Variants in FARS2 observed in about 807,000 individuals in gnomAD.
FARS2 encodes the protein phenylalanine--tRNA ligase, mitochondrial.
In FARS2, 40 loss-of-function variants were observed where a neutral mutation model predicts 46.4. The ratio of observed to expected loss-of-function variants is 0.86; its 90% CI spans 0.67 to 1.12. The LOEUF is 1.12. Among genes scored for constraint, FARS2 ranks in the 50% most tolerant of loss-of-function variants. The pLI, the probability that FARS2 is intolerant of heterozygous loss-of-function variation, is 0.00. For synonymous variants in FARS2, 234 were observed against 214.9 expected (o/e 1.09, Z -0.78); for missense variants, 513 against 567.9 (o/e 0.90, Z 0.98).
chr6:5,686,423 A>G (rs1386701326), intron 6 of FARS2, among the ~76,000 whole-genome samples: 4 of 151,754 alleles, frequency 2.6e-5, no homozygotes, highest in African/African-American at 7.3e-5. Flanking sequence ...TCATTGTTCA[A>G]TTCCCACCTA....
chr6:5,589,970 A>G (rs1773822736), intron 5 of FARS2, among the ~76,000 whole-genome samples: 1 of 152,210 alleles, frequency 6.6e-6, no homozygotes, highest in Non-Finnish European at 1.5e-5. Context: ...CTGCATAGCT[A>G]TGAGACTGCA....
At chr6:5,431,471 A>G (rs1763162726) in intron 4 of FARS2, among the ~76,000 whole-genome samples, 1 of 152,212 alleles carries the variant, frequency 6.6e-6, no homozygotes, top group African/African-American at 2.4e-5. Context: ...AATTGCCCCA[A>G]AGACATTTGC....
intron 1 of FARS2, among the ~76,000 whole-genome samples, chr6:5,337,934 G>A (rs1405115541): frequency 1.3e-5 from 2 of 152,138 alleles, no homozygotes; most frequent in Admixed American, 1.3e-4. Context: ...AGTTTAGGTG[G>A]TAATGCCATC....
intron 6 of FARS2, among the ~76,000 whole-genome samples, chr6:5,680,739 CTTTT>C (rs11441342): frequency 7.0e-6 from 1 of 143,340 alleles, no homozygotes. Context: ...CAGACGTTGT[CTTTT>C]TTTTTTTTTT....
intron 3 of FARS2, among the ~76,000 whole-genome samples, chr6:5,421,861 C>T (rs748016761): frequency 9.9e-5 from 15 of 152,188 alleles, no homozygotes; most frequent in African/African-American, 3.6e-4. Flanking sequence ...TCAAACTTTC[C>T]CACATTTTTC....
rs564355631 is a variant in FARS2 at position 5,480,135 on chromosome 6, A to G, written c.904+48963A>G. On this transcript the variant is annotated intron_variant, in intron 4 of 6. Coordinates refer to ENST00000274680, the MANE Select transcript of FARS2 (RefSeq NM_006567.5). ...ATGAAGACATGTTTATCAAACTGGC[A>G]GTTGACGCAAGGCTGGGAGGATAGC... is the stretch of plus-strand genomic sequence containing the variant. Among the ~76,000 whole-genome samples, 19 of 152,386 alleles carry G rather than the reference A, an allele frequency of 1.2e-4. No individual in the cohort carries two copies. The East Asian group carries it at 3.7e-3, about 29-fold the overall frequency.
chr6:5,529,464 C>T lies in FARS2; in HGVS notation c.905-15716C>T, dbSNP rs568829230. On this transcript the variant is annotated intron_variant, in intron 4 of 6. Transcript: ENST00000274680. ...CTGGGGCTACAGGCGCCTGCCACCACACCCAGCTAATTTTTGTATTTTTAG... is the reference window on the plus strand; with the variant it reads ...CTGGGGCTACAGGCGCCTGCCACCATACCCAGCTAATTTTTGTATTTTTAG... 5.9e-5 allele frequency among the ~76,000 whole-genome samples: 9 copies of T among 152,276 alleles called. No homozygotes were observed. In the East Asian group the frequency reaches 9.7e-4, roughly 16 times the overall value.
chr6:5,623,718 AAT>A (rs143561571), intron 6 of FARS2, among the ~76,000 whole-genome samples: 29,446 of 128,942 alleles, frequency 0.23, 3,553 homozygotes, highest in Admixed American at 0.33. Context: ...TCTCAAAAAA[AAT>A]AAATAAATAA....
At chr6:5,436,181 A>G (rs749790129) in intron 4 of FARS2, among the ~76,000 whole-genome samples, 3 of 152,232 alleles carry the variant, frequency 2.0e-5, no homozygotes, top group Admixed American at 6.5e-5. Flanking sequence ...CCTGGTTACA[A>G]TCAGGATGGA....
chr6:5,374,565 A>G (rs1371841003), intron 2 of FARS2, among the ~76,000 whole-genome samples: 1 of 152,114 alleles, frequency 6.6e-6, no homozygotes, highest in Non-Finnish European at 1.5e-5. Context: ...GTTTCAGAAC[A>G]TAGAAAAGAG....
intron 6 of FARS2, among the ~76,000 whole-genome samples, chr6:5,649,601 C>T (rs72819937): frequency 0.31 from 47,571 of 152,144 alleles, 9,081 homozygotes; most frequent in Non-Finnish European, 0.42. Context: ...GCTTAATATA[C>T]GATATCTCAT....
chr6:5,570,727 C>T (rs762346608), intron 5 of FARS2, among the ~76,000 whole-genome samples: 18 of 152,140 alleles, frequency 1.2e-4, no homozygotes, highest in South Asian at 4.2e-4. Flanking sequence ...TGATTGCTGA[C>T]GGGGAGAACC....
chr6:5,652,813 C>A (rs1363025714), intron 6 of FARS2, among the ~76,000 whole-genome samples: 1 of 152,210 alleles, frequency 6.6e-6, no homozygotes, highest in African/African-American at 2.4e-5. Flanking sequence ...CTGACTGCTC[C>A]CGAGGCGCTA....
intron 6 of FARS2, among the ~76,000 whole-genome samples, chr6:5,721,457 G>A (rs1400850907): frequency 1.3e-5 from 2 of 152,176 alleles, no homozygotes; most frequent in African/African-American, 4.8e-5. Context: ...ATCAATGACT[G>A]ATATAATTTT....
At chr6:5,679,219 A>C (rs1014180522) in intron 6 of FARS2, among the ~76,000 whole-genome samples, 3 of 152,162 alleles carry the variant, frequency 2.0e-5, no homozygotes, top group Non-Finnish European at 2.9e-5. Flanking sequence ...CCTTCAGGCT[A>C]TGCTTTCTAG....
chr6:5,487,749 A>G lies in FARS2; in HGVS notation c.904+56577A>G, dbSNP rs562404463. On this transcript the variant is annotated intron_variant, in intron 4 of 6. Coordinates refer to ENST00000274680, the MANE Select transcript of FARS2 (RefSeq NM_006567.5). ...ACTCAGGGCCTCCTCTGGAAAATGA[A>G]TGGTTTGACCAGACTGCTCCAAAGA... Among the ~76,000 whole-genome samples, 21 of 152,256 alleles carry G rather than the reference A, an allele frequency of 1.4e-4. No individual in the cohort carries two copies. The South Asian group carries it at 3.1e-3, about 23-fold the overall frequency.
chr6:5,607,514 A>T (rs1317843200), intron 5 of FARS2, among the ~76,000 whole-genome samples: 1 of 152,144 alleles, frequency 6.6e-6, no homozygotes, highest in African/African-American at 2.4e-5. Flanking sequence ...CACAGTGAAT[A>T]TAAATAGATT....
intron 1 of FARS2, among the ~76,000 whole-genome samples, chr6:5,348,290 T>C (rs1011480776): frequency 1.4e-4 from 22 of 151,998 alleles, no homozygotes; most frequent in African/African-American, 4.6e-4. Flanking sequence ...AGCTGCACAT[T>C]TGGTCACTAG....
chr6:5,319,645 A>T (rs1214412723), intron 1 of FARS2, among the ~76,000 whole-genome samples: 1 of 151,038 alleles, frequency 6.6e-6, no homozygotes, highest in Non-Finnish European at 1.5e-5. Flanking sequence ...ATAAACTCTC[A>T]CTCCTGCTCT....
Sources: gnomAD v4.1 joint callset for allele counts (sites outside exome capture counted in the v4.1 genomes callset) on GRCh38, gnomAD v4.1.1 for gene constraint, MANE v1.5 for transcripts, NCBI Gene and HGNC (gene_info 2026-07-23, HGNC 2026-07-21) for gene names.